HTR3E: variants seen among roughly 807,000 people sequenced by gnomAD.
HTR3E encodes the protein 5-hydroxytryptamine receptor 3E.
HTR3E carries 38 observed loss-of-function variants against 38.0 expected under a neutral mutation model. That is an observed-to-expected ratio of 1.00 (90% CI 0.77 to 1.31). The LOEUF is 1.31. HTR3E is among the 50% of genes most tolerant of loss of function. The pLI is 0.00. For missense variants in HTR3E, 547 were observed against 585.2 expected (o/e 0.93, Z 0.67); for synonymous variants, 210 against 232.9 (o/e 0.90, Z 0.89).
intron 1 of HTR3E, chr3:184,100,079 A>G (rs1711925038): frequency 8.5e-7 from 1 of 1,179,994 alleles, no homozygotes; most frequent in Non-Finnish European, 1.0e-6. Context: ...CCTCGGAAGG[A>G]AGAGCCCAGC....
In HTR3E at chr3:184,106,500, CGGGCCCTGCGG is replaced by C; in HGVS notation, c.1179_1189del (p.Pro395ArgfsTer85). On this transcript the variant is annotated frameshift_variant, in exon 9 of 9. Transcript: ENST00000415389. LOFTEE classifies it low-confidence loss of function (END_TRUNC). The surrounding 1 kb of genome is among the most constrained non-coding windows in gnomAD (Gnocchi z 4.1). Reference sequence around the variant, plus strand: ...CCAGAGGTATCAGCAGGGCAGATGCCGGGCCCTGCGGAGGCAGAGCTGACAGGGGGCTCAGA... The same window carrying C: ...CCAGAGGTATCAGCAGGGCAGATGCCAGGCAGAGCTGACAGGGGGCTCAGA... The C allele has an allele frequency of 1.2e-6, 2 of 1,608,180 alleles. No homozygotes were observed. Among genetic ancestry groups the C allele is most frequent in the Non-Finnish European group, 1.7e-6 (2 of 1,176,906 alleles).
At position 184,105,976 on chromosome 3, in the gene HTR3E, C is replaced by T; in HGVS notation, c.925+7C>T. ...AGTGGCACCCCCCTCATCGGTATGGCTCCTCCCACCTTTTGGAAGAGAAGG... is the reference window on the plus strand; with the variant it reads ...AGTGGCACCCCCCTCATCGGTATGGTTCCTCCCACCTTTTGGAAGAGAAGG... On this transcript the variant is annotated splice_region_variant and intron_variant, in intron 7 of 8. Transcript: ENST00000415389. The T allele has an allele frequency of 6.2e-7, 1 of 1,613,982 alleles. No homozygotes were observed. The highest frequency in any genetic ancestry group is 8.5e-7 in the Non-Finnish European group (1 of 1,179,860).
chr3:184,099,397 C>A (rs957980030), intron 1 of HTR3E, among the ~76,000 whole-genome samples: 2 of 151,642 alleles, frequency 1.3e-5, no homozygotes, highest in African/African-American at 4.8e-5. Context: ...CTCAAAAAAC[C>A]CCCAAAAACC....
chr3:184,104,129 TA>T, intron 3 of HTR3E, 52 bp from the exon 4 acceptor site: 2 of 1,274,454 alleles, frequency 1.6e-6, no homozygotes, highest in Admixed American at 3.0e-5. Context: ...CTTTTTTTTT[TA>T]AAGAAGAAAT....
At position 184,106,256 on chromosome 3, in the gene HTR3E, C is replaced by T; in HGVS notation, c.1054C>T (p.Leu352Phe). ...GCCTCGGTGGCTCCACTCCCTGCTGCTCCACTGCAACAGCCCGGGGAGATG... is the reference window on the plus strand; with the variant it reads ...GCCTCGGTGGCTCCACTCCCTGCTGTTCCACTGCAACAGCCCGGGGAGATG... ...PLPRWLHSLL[L>F]HCNSPGRCCP... Residue 352 changes from leucine to phenylalanine, a missense_variant, in exon 8 of 9, where the codon CTC becomes TTC. By Grantham distance (22) the Leu-to-Phe change is conservative (BLOSUM62 0). Coordinates refer to ENST00000415389, the MANE Select transcript of HTR3E (RefSeq NM_001256613.2). The surrounding 1 kb of genome is among the most constrained non-coding windows in gnomAD (Gnocchi z 4.1). 1 of 1,613,132 alleles carries T rather than the reference C, an allele frequency of 6.2e-7. No individual in the cohort carries two copies. The highest frequency in any genetic ancestry group is 2.2e-5 in the East Asian group (1 of 44,862).
At chr3:184,100,744 G>T in intron 2 of HTR3E, 93 bp downstream of exon 2, 1 of 1,524,248 alleles carries the variant, frequency 6.6e-7, no homozygotes, top group Non-Finnish European at 8.8e-7. Flanking sequence ...CCACATTTCT[G>T]CTTCCTCCAC....
chr3:184,101,502 CTT>C lies in HTR3E; in HGVS notation c.253_254del (p.Leu85ValfsTer12), dbSNP rs1464634987. ...TTTGGCAGAATGAACAGCTGCACCT[CTT>C]GTCATCATTCCTGTGGCTGGAAATG... is the stretch of plus-strand genomic sequence containing the variant. Reference protein sequence around the residue: ...ILDVNEQLHLLSSFLWLEMVW... With the variant: ...ILDVNEQLHLXSSFLWLEMVW... On this transcript the variant is annotated frameshift_variant, in exon 3 of 9. Transcript: ENST00000415389. LOFTEE classifies it high-confidence loss of function. The C allele has an allele frequency of 6.2e-7, 1 of 1,613,870 alleles. No individual in the cohort carries two copies. The highest frequency in any genetic ancestry group is 1.1e-5 in the South Asian group (1 of 91,082).
chr3:184,104,322 C>G (rs760705234), intron 4 of HTR3E, 31 bp downstream of exon 4: 20 of 1,586,256 alleles, frequency 1.3e-5, no homozygotes, highest in Middle Eastern at 1.7e-4. Context: ...AGAGGGAAGT[C>G]CCATCTCCTG....
Position 184,106,582 on chromosome 3 carries a change from A to C in HTR3E, c.1260A>C (p.Ser420=), listed in dbSNP as rs78176560. Residue 420 remains serine (S), a synonymous_variant, in exon 9 of 9, where the codon TCA becomes TCC. Transcript: ENST00000415389. The surrounding 1 kb of genome is among the most constrained non-coding windows in gnomAD (Gnocchi z 4.1). ...QREHEAQKQH[S]VELWLQFSHA... is the part of the protein sequence containing the mutation. ...AACACGAGGCCCAGAAGCAGCACTC[A>C]GTGGAGCTGTGGTTGCAGTTCAGCC... 6.2e-7 allele frequency: 1 copy of C among 1,614,188 alleles called. No homozygotes were observed. Among genetic ancestry groups the C allele is most frequent in the Non-Finnish European group, 8.5e-7 (1 of 1,180,030 alleles).
Position 184,104,891 on chromosome 3 carries a change from A to G in HTR3E, c.494A>G (p.Asp165Gly), listed in dbSNP as rs1271099753. The G allele has an allele frequency of 3.1e-6, 5 of 1,614,064 alleles. No individual in the cohort carries two copies. Among genetic ancestry groups the G allele is most frequent in the Non-Finnish European group, 4.2e-6 (5 of 1,179,998 alleles). The change falls in exon 5 of 9, where the codon GAC becomes GGC. Residue 165 changes from aspartate (D) to glycine (G), a missense_variant. Coordinates refer to ENST00000415389, the MANE Select transcript of HTR3E (RefSeq NM_001256613.2). ...PMKVDSICNL[D>G]IFYFPFDQQN... ...AAGGTGGACAGTATCTGTAACCTGG[A>G]CATCTTCTACTTCCCCTTCGACCAG...
intron 3 of HTR3E, among the ~76,000 whole-genome samples, chr3:184,101,954 C>A (rs184777763): frequency 2.8e-4 from 42 of 152,336 alleles, no homozygotes; most frequent in Non-Finnish European, 5.4e-4. Flanking sequence ...TGCGCCACTG[C>A]GCTCCAGGCT....
At chr3:184,100,716 G>C (rs1711987955) in intron 2 of HTR3E, 65 bp downstream of exon 2, 1 of 1,562,286 alleles carries the variant, frequency 6.4e-7, no homozygotes. Context: ...TGGCAAAGTG[G>C]CCCCCCAAAG....
In HTR3E at chr3:184,097,490, G is replaced by C. The variant is rs989445360; in HGVS notation, c.-40G>C. ...TGCTGCTTTAATCTGGGCATTCCTG[G>C]GTCCCAGTACATGTTCAGAGAAGAA... On this transcript the variant is annotated 5_prime_UTR_variant, in exon 1 of 9. Coordinates refer to ENST00000415389, the MANE Select transcript of HTR3E (RefSeq NM_001256613.2). 1 of 1,464,162 alleles carries C rather than the reference G, an allele frequency of 6.8e-7. No homozygotes were observed. Among genetic ancestry groups the C allele is most frequent in the East Asian group, 2.5e-5 (1 of 40,554 alleles). 90.7% of individuals were successfully genotyped at this position (1,464,162 alleles called of 1,614,324 possible). A position where few individuals can be genotyped will look rare whatever the true frequency, so the allele number is the denominator to read the frequency against.
At chr3:184,102,916 C>T (rs1386377406) in intron 3 of HTR3E, among the ~76,000 whole-genome samples, 3 of 149,850 alleles carry the variant, frequency 2.0e-5, no homozygotes, top group East Asian at 1.9e-4. Context: ...CAGAGTGAGA[C>T]TGCATCTCAA....
At chr3:184,098,948 C>A (rs1162600353) in intron 1 of HTR3E, among the ~76,000 whole-genome samples, 1 of 151,674 alleles carries the variant, frequency 6.6e-6, no homozygotes, top group African/African-American at 2.4e-5. Flanking sequence ...GAGGCTGAGG[C>A]AGAAGAATCG....
At chr3:184,100,287 C>A in intron 1 of HTR3E, 198 bp from the exon 2 acceptor site, 1 of 1,417,026 alleles carries the variant, frequency 7.1e-7, no homozygotes, top group South Asian at 1.3e-5. Context: ...GCAGTATCTA[C>A]CTGATAGGGG....
intron 1 of HTR3E, among the ~76,000 whole-genome samples, chr3:184,099,072 T>TA (rs925212990): frequency 1.2e-4 from 18 of 147,438 alleles, no homozygotes; most frequent in Non-Finnish European, 2.1e-4. Flanking sequence ...AAAAAGAAAT[T>TA]AAAAAAAAAT....
Position 184,106,780 on chromosome 3 carries a change from A to G in HTR3E, c.*87A>G. 1 of 1,305,724 alleles carries G rather than the reference A, an allele frequency of 7.7e-7. No individual in the cohort carries two copies. Among genetic ancestry groups the G allele is most frequent in the Non-Finnish European group, 1.1e-6 (1 of 922,562 alleles). The allele number at this position is 1,305,724 out of a possible 1,614,324, so 80.9% of individuals were successfully genotyped here. A position where few individuals can be genotyped will look rare whatever the true frequency, so the allele number is the denominator to read the frequency against. ...CTCCCCCCTTTCCTGAGTACCAACT[A>G]TCATATCCCCAAAGATGACTGAGTC... On this transcript the variant is annotated 3_prime_UTR_variant, in exon 9 of 9. Coordinates refer to ENST00000415389, the MANE Select transcript of HTR3E (RefSeq NM_001256613.2). The surrounding 1 kb of genome is among the most constrained non-coding windows in gnomAD (Gnocchi z 4.1).
At chr3:184,099,053 A>G (rs998000910) in intron 1 of HTR3E, among the ~76,000 whole-genome samples, 1 of 151,318 alleles carries the variant, frequency 6.6e-6, no homozygotes, top group Non-Finnish European at 1.5e-5. Flanking sequence ...AAAAAAATTT[A>G]AAAATTTAAA....
Sources: gnomAD v4.1 joint callset for allele counts (sites outside exome capture counted in the v4.1 genomes callset) on GRCh38, gnomAD v4.1.1 for gene constraint, Gnocchi (gnomAD v3.1) non-coding constraint, MANE v1.5 for transcripts, NCBI Gene and HGNC (gene_info 2026-07-23, HGNC 2026-07-21) for gene names.